The following ABHD13 variants were observed in gnomAD, a reference collection of about 807,000 sequenced individuals.
ABHD13 encodes abhydrolase domain containing 13.
A neutral mutation model predicts 25.2 loss-of-function variants in ABHD13; 7 were observed. The ratio of observed to expected loss-of-function variants is 0.28; its 90% CI spans 0.16 to 0.52. The LOEUF is 0.52. ABHD13 is among the 20% of genes least tolerant of loss of function. The pLI is 0.96. For missense variants in ABHD13, 302 were observed against 402.7 expected, an observed-to-expected ratio of 0.75 and a Z score of 2.14; for synonymous variants, 133 against 136.1, an observed-to-expected ratio of 0.98 and a Z score of 0.16.
intron 1 of ABHD13, among the ~76,000 whole-genome samples, chr13:108,228,593 GTTTTTT>G (rs796928016): frequency 2.0e-5 from 3 of 149,040 alleles, no homozygotes; most frequent in Admixed American, 6.7e-5. Context: ...TTCCCTAGTT[GTTTTTT>G]TTTGTTTTAT....
At position 108,230,038 on chromosome 13, in the gene ABHD13, G is replaced by T. The variant is rs199723445; in HGVS notation, c.820G>T (p.Val274Leu). The T allele has an allele frequency of 4.3e-6, 7 of 1,613,020 alleles. No homozygotes were observed. The East Asian group carries it at 1.3e-4, about 31-fold the overall frequency. The stretch of plus-strand genomic sequence containing the variant: ...ACTCTCAGATCAATTAATTCCACCA[G>T]TAATGATGAAACAACTTTATGAACT... ...SGLSDQLIPP[V>L]MMKQLYELSP... The change falls in exon 2 of 2, where the codon GTA becomes TTA. Residue 274 changes from valine to leucine, a missense_variant. Transcript: ENST00000375898.
In ABHD13 at chr13:108,233,190, C is replaced by T. The variant is rs1016804022; in HGVS notation, c.*2958C>T. The T allele has an allele frequency of 6.0e-6, 1 of 166,738 alleles. No homozygotes were observed. Among genetic ancestry groups the T allele is most frequent in the African/African-American group, 2.4e-5 (1 of 41,422 alleles). 10.3% of individuals were successfully genotyped at this position (166,738 alleles called of 1,614,324 possible). ...ATAGATTACAGCTTTGGTAATATGT[C>T]ACTGGAGTAATTACGCTGTAATACC... is the stretch of plus-strand genomic sequence containing the variant. On this transcript the variant is annotated 3_prime_UTR_variant, in exon 2 of 2. Transcript: ENST00000375898.
chr13:108,233,573 T>C lies in ABHD13; in HGVS notation c.*3341T>C, dbSNP rs1879855917. 1 of 166,752 alleles carries C rather than the reference T, an allele frequency of 6.0e-6. No individual in the cohort carries two copies. The highest frequency in any genetic ancestry group is 2.1e-4 in the South Asian group (1 of 4,838). The allele number at this position is 166,752 out of a possible 1,614,324, so 10.3% of individuals were successfully genotyped here. On this transcript the variant is annotated 3_prime_UTR_variant, in exon 2 of 2. Coordinates refer to ENST00000375898, the MANE Select transcript of ABHD13 (RefSeq NM_032859.3). ...AGAGGAAAAATTAGTCATAACCCTT[T>C]TGGGTTATCCACTTAAATTTAGGTA... is the stretch of plus-strand genomic sequence containing the variant.
Position 108,229,481 on chromosome 13 carries a change from A to G in ABHD13, c.263A>G (p.Asn88Ser). The change falls in exon 2 of 2, where the codon AAC (asparagine) becomes AGC (serine). Residue 88 changes from asparagine (N) to serine (S), a missense_variant. Asn to Ser is a conservative substitution (Grantham distance 46). Transcript: ENST00000375898. The surrounding 1 kb of genome is among the most constrained non-coding windows in gnomAD (Gnocchi z 4.7). ...VPMPTGIPHENIFIRTKDGIR... is the reference protein window; with the variant it reads ...VPMPTGIPHESIFIRTKDGIR... ...ATGCCCACTGGCATTCCACATGAAA[A>G]CATTTTCATCAGAACCAAAGATGGA... The G allele has an allele frequency of 6.2e-7, 1 of 1,613,536 alleles. No homozygotes were observed. Among genetic ancestry groups the G allele is most frequent in the Non-Finnish European group, 8.5e-7 (1 of 1,179,608 alleles).
chr13:108,222,062 A>G (rs1210987710), intron 1 of ABHD13, among the ~76,000 whole-genome samples: 1 of 151,488 alleles, frequency 6.6e-6, no homozygotes, highest in East Asian at 1.9e-4. Flanking sequence ...CTAGTCTCAA[A>G]CTCCTGAGCT....
rs142217345 is a variant in ABHD13 at position 108,233,701 on chromosome 13, CTATATA to C, written c.*3478_*3483del. On this transcript the variant is annotated 3_prime_UTR_variant, in exon 2 of 2. Transcript: ENST00000375898. The stretch of plus-strand genomic sequence containing the variant: ...AATGTACTTCTGTTTATTCTTAATA[CTATATA>C]TATATATACACACATAGTTTTAGCA... 6.1e-5 allele frequency: 10 copies of C among 162,850 alleles called. No individual in the cohort carries two copies. The East Asian group carries it at 1.2e-3, about 19-fold the overall frequency. 10.1% of individuals were successfully genotyped at this position (162,850 alleles called of 1,614,324 possible). A position where few individuals can be genotyped will look rare whatever the true frequency, so the allele number is the denominator to read the frequency against.
chr13:108,229,581 T>C lies in ABHD13; in HGVS notation c.363T>C (p.His121=), dbSNP rs145406609. ...SPYSPTIIYF[H]GNAGNIGHRL... ...ATTCCCCAACTATAATTTATTTTCA[T>C]GGGAATGCAGGCAACATAGGTCACA... Residue 121 remains histidine, a synonymous_variant, in exon 2 of 2, where the codon CAT becomes CAC. Coordinates refer to ENST00000375898, the MANE Select transcript of ABHD13 (RefSeq NM_032859.3). The surrounding 1 kb of genome is among the most constrained non-coding windows in gnomAD (Gnocchi z 4.7). 34 of 1,613,182 alleles carry C rather than the reference T, an allele frequency of 2.1e-5. No individual in the cohort carries two copies. Among genetic ancestry groups the C allele is most frequent in the Non-Finnish European group, 2.9e-5 (34 of 1,179,552 alleles).
chr13:108,230,090 C>G lies in ABHD13; in HGVS notation c.872C>G (p.Ala291Gly), dbSNP rs1196597544. 6.2e-7 allele frequency: 1 copy of G among 1,613,156 alleles called. No homozygotes were observed. Among genetic ancestry groups the G allele is most frequent in the African/African-American group, 1.3e-5 (1 of 74,946 alleles). The change falls in exon 2 of 2, where the codon GCC (alanine) becomes GGC (glycine). Residue 291 changes from alanine to glycine, a missense_variant. By Grantham distance (60) the Ala-to-Gly change is moderately conservative. Transcript: ENST00000375898. ...TCCCCATCTCGGACTAAGAGATTAG[C>G]CATTTTTCCAGATGGGACTCACAAT... is the stretch of plus-strand genomic sequence containing the variant. ...ELSPSRTKRL[A>G]IFPDGTHNDT...
chr13:108,227,151 T>C (rs1460328349), intron 1 of ABHD13, among the ~76,000 whole-genome samples: 2 of 152,186 alleles, frequency 1.3e-5, no homozygotes, highest in Admixed American at 6.6e-5. Flanking sequence ...TTTTCAGGAA[T>C]GTTTTGTGGA....
chr13:108,222,431 G>A (rs901738528), intron 1 of ABHD13, among the ~76,000 whole-genome samples: 42 of 152,020 alleles, frequency 2.8e-4, no homozygotes, highest in East Asian at 9.6e-4. Context: ...ATGCAGAAAG[G>A]ATTTAAAAAA....
At position 108,231,633 on chromosome 13, in the gene ABHD13, GC is replaced by G. The variant is rs200192080; in HGVS notation, c.*1402del. The G allele has an allele frequency of 0.1, 17,362 of 166,642 alleles. 935 individuals carry two copies. The highest frequency in any genetic ancestry group is 0.13 in the Admixed American group (1,953 of 15,214). The allele number at this position is 166,642 out of a possible 1,614,324, so 10.3% of individuals were successfully genotyped here. ...GTCCTCAAAAATTAGATGTAATTGA[GC>G]TTTGTGTAATATTATGTCAGCTTTA... On this transcript the variant is annotated 3_prime_UTR_variant, in exon 2 of 2. Coordinates refer to ENST00000375898, the MANE Select transcript of ABHD13 (RefSeq NM_032859.3).
intron 1 of ABHD13, among the ~76,000 whole-genome samples, chr13:108,226,935 C>A (rs1879686182): frequency 6.6e-6 from 1 of 151,994 alleles, no homozygotes; most frequent in African/African-American, 2.4e-5. Context: ...TTACTCTAAA[C>A]CAGCAATATA....
At chr13:108,219,673 G>A (rs1013720544) in intron 1 of ABHD13, among the ~76,000 whole-genome samples, 2 of 152,202 alleles carry the variant, frequency 1.3e-5, no homozygotes, top group African/African-American at 2.4e-5. Flanking sequence ...TACAGAAAAT[G>A]TAGAGTTGAA....
intron 1 of ABHD13, among the ~76,000 whole-genome samples, chr13:108,219,662 G>T (rs1242905860): frequency 6.6e-6 from 1 of 152,166 alleles, no homozygotes; most frequent in Admixed American, 6.5e-5. Flanking sequence ...GCACTGCTGC[G>T]TACAGAAAAT....
Position 108,229,933 on chromosome 13 carries a change from C to G in ABHD13, c.715C>G (p.Pro239Ala). ...TTCATTCTTTCCGATGCGTTACCTT[C>G]CTTTATGGTGCTACAAAAATAAATT... ...LFSFFPMRYL[P>A]LWCYKNKFLS... Residue 239 changes from proline to alanine, a missense_variant, in exon 2 of 2, where the codon CCT becomes GCT. Physicochemically the swap from Pro to Ala is conservative, Grantham distance 27. Transcript: ENST00000375898. This position sits in a 1 kb window ranked among gnomAD's most constrained non-coding sequence, Gnocchi z 4.7. The G allele has an allele frequency of 6.2e-7, 1 of 1,613,262 alleles. No homozygotes were observed. The highest frequency in any genetic ancestry group is 8.5e-7 in the Non-Finnish European group (1 of 1,179,470).
At position 108,230,404 on chromosome 13, in the gene ABHD13, A is replaced by C. The variant is rs946268847; in HGVS notation, c.*172A>C. On this transcript the variant is annotated 3_prime_UTR_variant, in exon 2 of 2. Coordinates refer to ENST00000375898, the MANE Select transcript of ABHD13 (RefSeq NM_032859.3). ...ATAGTTTTTTACATTGGAAAAACTA[A>C]TTCTTGGGATTCTTTCATACATTTT... The C allele has an allele frequency of 7.1e-6, 4 of 564,200 alleles. No individual in the cohort carries two copies. Among genetic ancestry groups the C allele is most frequent in the Admixed American group, 7.3e-5 (2 of 27,284 alleles). 34.9% of individuals were successfully genotyped at this position (564,200 alleles called of 1,614,324 possible). A position where few individuals can be genotyped will look rare whatever the true frequency, so the allele number is the denominator to read the frequency against.
chr13:108,221,770 T>C (rs1216088057), intron 1 of ABHD13, among the ~76,000 whole-genome samples: 1 of 152,198 alleles, frequency 6.6e-6, no homozygotes, highest in Non-Finnish European at 1.5e-5. Context: ...ATGCACTTTT[T>C]TGTATTTTTA....
At position 108,233,401 on chromosome 13, in the gene ABHD13, AG is replaced by A. The variant is rs1566383771; in HGVS notation, c.*3172del. ...AGGAGACCCTTTTCTCCTTGAGGATAGGGATAGGTAAGGTAAACTTGTAAAA... is the reference window on the plus strand; with the variant it reads ...AGGAGACCCTTTTCTCCTTGAGGATAGGATAGGTAAGGTAAACTTGTAAAA... On this transcript the variant is annotated 3_prime_UTR_variant, in exon 2 of 2. Coordinates refer to ENST00000375898, the MANE Select transcript of ABHD13 (RefSeq NM_032859.3). 1.8e-5 allele frequency: 3 copies of A among 166,876 alleles called. No individual in the cohort carries two copies. 10.3% of individuals were successfully genotyped at this position (166,876 alleles called of 1,614,324 possible).
chr13:108,229,103 A>T lies in ABHD13; in HGVS notation c.-20-96A>T, dbSNP rs1266506291. ...ACTGTACCTATTACCATATTTAACA[A>T]TTACATGTGGCCTAGTACCATAGTT... is the stretch of plus-strand genomic sequence containing the variant. On this transcript the variant is annotated intron_variant, in intron 1 of 1. Transcript: ENST00000375898. The surrounding 1 kb of genome is among the most constrained non-coding windows in gnomAD (Gnocchi z 4.7). 1 of 900,020 alleles carries T rather than the reference A, an allele frequency of 1.1e-6. No homozygotes were observed. The highest frequency in any genetic ancestry group is 1.7e-5 in the African/African-American group (1 of 58,126). 55.8% of individuals were successfully genotyped at this position (900,020 alleles called of 1,614,324 possible).
Sources: gnomAD v4.1 joint callset for allele counts (sites outside exome capture counted in the v4.1 genomes callset) on GRCh38, gnomAD v4.1.1 for gene constraint, Gnocchi (gnomAD v3.1) non-coding constraint, MANE v1.5 for transcripts, NCBI Gene and HGNC (gene_info 2026-07-23, HGNC 2026-07-21) for gene names.